Variants in MAIP1 observed in about 807,000 individuals in gnomAD.
The protein encoded by MAIP1 is matrix AAA peptidase interacting protein 1, also known as m-AAA protease-interacting protein 1, mitochondrial.
In MAIP1, 28 loss-of-function variants were observed where a neutral mutation model predicts 31.2. The observed-to-expected ratio is 0.90, with a 90% CI of 0.67 to 1.23. The LOEUF (loss-of-function observed/expected upper bound fraction) is 1.23, where lower values mean the gene tolerates loss of function less well. MAIP1 is among the 50% of genes most tolerant of loss of function. The pLI is 0.00. For synonymous variants in MAIP1, 142 were observed against 142.3 expected, an observed-to-expected ratio of 1.00 and a Z score of 0.02; for missense variants, 339 against 356.0, an observed-to-expected ratio of 0.95 and a Z score of 0.38.
rs1039347059 is a variant in MAIP1, at chr2:199,959,728, T to G, written c.523-26T>G. 8 of 1,592,102 alleles carry G rather than the reference T, an allele frequency of 5.0e-6. No individual in the cohort carries two copies. In the African/African-American group the frequency reaches 9.5e-5, roughly 19 times the overall value. On this transcript the variant is annotated intron_variant, in intron 2 of 4. Transcript: ENST00000392290. The stretch of plus-strand genomic sequence containing the variant: ...GTTTTCAAAAATTGTATCAGTGAAC[T>G]AATGGCTTGCTTTTTTCAAACTTAG...
chr2:199,956,343 A>C, intron 1 of MAIP1, 95 bp downstream of exon 1: 2 of 985,612 alleles, frequency 2.0e-6, no homozygotes, highest in Non-Finnish European at 3.1e-6. Context: ...ACTGGGATAC[A>C]AGTGATCAAA....
intron 2 of MAIP1, among the ~76,000 whole-genome samples, 176 bp downstream of exon 2, chr2:199,959,515 C>T (rs372610986): frequency 2.2e-4 from 33 of 152,204 alleles, no homozygotes; most frequent in Non-Finnish European, 4.1e-4. Flanking sequence ...ATAACTCCTG[C>T]CACTTAAGGC....
chr2:199,959,023 C>T (rs545970498), intron 1 of MAIP1, among the ~76,000 whole-genome samples: 8 of 152,300 alleles, frequency 5.3e-5, no homozygotes, highest in East Asian at 1.9e-4. Flanking sequence ...TTGTACACCA[C>T]ACACTATCAT....
chr2:199,962,216 C>T (rs2077640667), intron 4 of MAIP1, among the ~76,000 whole-genome samples: 1 of 152,202 alleles, frequency 6.6e-6, no homozygotes. Flanking sequence ...CCTGCTATTT[C>T]ACTGCTCAGA....
At chr2:199,955,551 G>A, upstream of MAIP1, 2 of 1,528,366 alleles carry the variant, frequency 1.3e-6, no homozygotes, top group Non-Finnish European at 1.8e-6. Flanking sequence ...CCGGAAACAC[G>A]AGCGACAGAG....
chr2:199,956,203 C>A lies in MAIP1; in HGVS notation c.405C>A (p.Phe135Leu), dbSNP rs746598091. Reference sequence around the variant, plus strand: ...AGGCCTTCCTTATCTGGGCCTATTTCGACAAAGAGTTCAGCATCACAGAGT... The same window carrying A: ...AGGCCTTCCTTATCTGGGCCTATTTAGACAAAGAGTTCAGCATCACAGAGT... ...RIKAFLIWAYFDKEFSITEFS... is the reference protein window; with the variant it reads ...RIKAFLIWAYLDKEFSITEFS... The change falls in exon 1 of 5, where the codon TTC becomes TTA. Residue 135 changes from phenylalanine (F) to leucine (L), a missense_variant. By Grantham distance (22) the Phe-to-Leu change is conservative. Coordinates refer to ENST00000392290, the MANE Select transcript of MAIP1 (RefSeq NM_001394955.1). The A allele has an allele frequency of 6.2e-7, 1 of 1,614,018 alleles. No homozygotes were observed. The highest frequency in any genetic ancestry group is 8.5e-7 in the Non-Finnish European group (1 of 1,179,966).
chr2:199,955,372 TG>T (rs2077589021), upstream of MAIP1: 1 of 1,611,750 alleles, frequency 6.2e-7, no homozygotes, highest in African/African-American at 1.3e-5. Context: ...CTCGAGGTTC[TG>T]CCCCGCGCGA....
chr2:199,955,917 G>A lies in MAIP1; in HGVS notation c.119G>A (p.Cys40Tyr). 1.3e-6 allele frequency: 2 copies of A among 1,595,182 alleles called. No individual in the cohort carries two copies. Among genetic ancestry groups the A allele is most frequent in the Non-Finnish European group, 8.6e-7 (1 of 1,169,472 alleles). The part of the protein sequence containing the change: ...AEVRLPSATL[C>Y]YFCRCRLGLG... ...GTGAGGCTGCCGTCGGCCACACTTT[G>A]CTACTTCTGCCGCTGTCGCCTCGGC... is the stretch of plus-strand genomic sequence containing the variant. The change falls in exon 1 of 5, where the codon TGC (cysteine) becomes TAC (tyrosine). Residue 40 changes from cysteine to tyrosine, a missense_variant. Physicochemically the swap from Cys to Tyr is radical, Grantham distance 194. Transcript: ENST00000392290.
chr2:199,955,458 G>A (rs746015485), upstream of MAIP1: 5 of 1,613,660 alleles, frequency 3.1e-6, no homozygotes, highest in African/African-American at 2.7e-5. Context: ...ACCGGGAGGT[G>A]CTGCCCGGCC....
At chr2:199,956,943 G>T (rs562465380) in intron 1 of MAIP1, among the ~76,000 whole-genome samples, 1 of 151,652 alleles carries the variant, frequency 6.6e-6, no homozygotes, top group Admixed American at 6.6e-5. Context: ...TGTTAGTTAC[G>T]TACCTGTTTC....
In MAIP1 at chr2:199,959,870, T is replaced by C. The variant is rs775771019; in HGVS notation, c.639T>C (p.Tyr213=). 8 of 1,612,118 alleles carry C rather than the reference T, an allele frequency of 5.0e-6. No homozygotes were observed. The highest frequency in any genetic ancestry group is 6.8e-6 in the Non-Finnish European group (8 of 1,179,220). Residue 213 remains tyrosine, a synonymous_variant, in exon 3 of 5, where the codon TAT becomes TAC. Coordinates refer to ENST00000392290, the MANE Select transcript of MAIP1 (RefSeq NM_001394955.1). The stretch of plus-strand genomic sequence containing the variant: ...CAACAGGAGACATCTCCATTTACTA[T>C]GATGAGAAAGGTAATACCAGAGCAT... ...FTSTGDISIY[Y]DEKGRKFVNI...
chr2:199,955,432 G>A, upstream of MAIP1: 3 of 1,613,918 alleles, frequency 1.9e-6, no homozygotes, highest in African/African-American at 1.3e-5. Flanking sequence ...CCCGAGAAAC[G>A]CCCTCCAGCC....
At position 199,961,906 on chromosome 2, in the gene MAIP1, C is replaced by T. The variant is rs376452416; in HGVS notation, c.775C>T (p.Gln259Ter). The T allele has an allele frequency of 6.2e-7, 1 of 1,612,962 alleles. No homozygotes were observed. Among genetic ancestry groups the T allele is most frequent in the African/African-American group, 1.3e-5 (1 of 74,892 alleles). ...GGGGAATCAGAATGTGGAAACTAAA[C>T]AACTTCTTAGTGCAAGCTATGAGTA... ...KLGNQNVETK[Q>*]LLSASYEFQR... The change falls in exon 4 of 5, where the codon CAA becomes TAA. Residue 259 changes from glutamine (Q) to a stop codon, truncating the protein, a stop_gained. Coordinates refer to ENST00000392290, the MANE Select transcript of MAIP1 (RefSeq NM_001394955.1). LOFTEE classifies it high-confidence loss of function.
At chr2:199,961,378 C>T (rs1024236720) in intron 3 of MAIP1, among the ~76,000 whole-genome samples, 3 of 151,930 alleles carry the variant, frequency 2.0e-5, no homozygotes, top group African/African-American at 4.8e-5. Flanking sequence ...GTGGGAGGAT[C>T]GCTTGAGCCT....
chr2:199,964,025 A>G lies in MAIP1; in HGVS notation c.*214A>G. On this transcript the variant is annotated 3_prime_UTR_variant, in exon 5 of 5. Coordinates refer to ENST00000392290, the MANE Select transcript of MAIP1 (RefSeq NM_001394955.1). ...TTTAAAAGAAGTCAAAATTTAAAAA[A>G]TACAATAGCACGTTGTTGGTGTCAT... 2.8e-6 allele frequency: 1 copy of G among 354,972 alleles called. No individual in the cohort carries two copies. Among genetic ancestry groups the G allele is most frequent in the Non-Finnish European group, 5.1e-6 (1 of 197,008 alleles). 22.0% of individuals were successfully genotyped at this position (354,972 alleles called of 1,614,324 possible).
chr2:199,958,185 C>T (rs147281420), intron 1 of MAIP1, among the ~76,000 whole-genome samples: 145 of 152,242 alleles, frequency 9.5e-4, no homozygotes, highest in African/African-American at 3.2e-3. Flanking sequence ...TACAGATGGC[C>T]GTCTTCTTGC....
At chr2:199,956,329 C>T (rs771450707) in intron 1 of MAIP1, 81 bp downstream of exon 1, 95 of 1,107,130 alleles carry the variant, frequency 8.6e-5, no homozygotes, top group Non-Finnish European at 1.2e-4. Context: ...AGTGAGTTTT[C>T]TTCACTGGGA....
At chr2:199,955,452 G>T (rs1297112331), upstream of MAIP1, 4 of 1,613,736 alleles carry the variant, frequency 2.5e-6, no homozygotes, top group East Asian at 6.7e-5. Flanking sequence ...CGGGGTACCG[G>T]GAGGTGCTGC....
At position 199,956,186 on chromosome 2, in the gene MAIP1, C is replaced by A; in HGVS notation, c.388C>A (p.Leu130Ile). 1 of 1,614,132 alleles carries A rather than the reference C, an allele frequency of 6.2e-7. No individual in the cohort carries two copies. The highest frequency in any genetic ancestry group is 8.5e-7 in the Non-Finnish European group (1 of 1,180,006). Residue 130 changes from leucine to isoleucine, a missense_variant, in exon 1 of 5, where the codon CTT becomes ATT. By Grantham distance (5) the Leu-to-Ile change is conservative. Transcript: ENST00000392290. ...GGTTAGGACTCGAATTAAGGCCTTC[C>A]TTATCTGGGCCTATTTCGACAAAGA... ...NWVRTRIKAF[L>I]IWAYFDKEFS...
Sources: allele counts gnomAD v4.1 joint callset (sites outside exome capture counted in the v4.1 genomes callset), GRCh38; gene constraint gnomAD v4.1.1; transcripts MANE v1.5; gene names NCBI Gene and HGNC (gene_info 2026-07-23, HGNC 2026-07-21).